The following TTC7A variants were observed in gnomAD, a reference collection of about 807,000 sequenced individuals.
The protein encoded by TTC7A is tetratricopeptide repeat protein 7A.
A neutral mutation model predicts 103.7 loss-of-function variants in TTC7A; 110 were observed. That is an observed-to-expected ratio of 1.06 (90% CI 0.91 to 1.24). TTC7A has a LOEUF of 1.24. Among genes scored for constraint, TTC7A ranks in the 50% most tolerant of loss-of-function variants. TTC7A has a pLI of 0.00. For synonymous variants in TTC7A, 521 were observed against 467.9 expected (o/e 1.11, Z -1.47); for missense variants, 1,340 against 1,116.3 (o/e 1.20, Z -2.86).
chr2:46,924,749 C>A (rs766215818), intron 2 of TTC7A, among the ~76,000 whole-genome samples: 1 of 152,178 alleles, frequency 6.6e-6, no homozygotes, highest in Non-Finnish European at 1.5e-5. Flanking sequence ...GCCTCAGGCC[C>A]TGGAATAGCT....
At chr2:47,042,083 CAGAG>C (rs1422968503) in intron 15 of TTC7A, among the ~76,000 whole-genome samples, 2 of 151,982 alleles carry the variant, frequency 1.3e-5, no homozygotes, top group East Asian at 3.9e-4. Flanking sequence ...AGGAGGGTGA[CAGAG>C]AGGAGATGAT....
chr2:46,935,219 G>A (rs937196308), intron 2 of TTC7A, among the ~76,000 whole-genome samples: 3 of 152,120 alleles, frequency 2.0e-5, no homozygotes, highest in African/African-American at 7.2e-5. Context: ...TCAGGCGTGT[G>A]TGGAGGAACA....
intron 11 of TTC7A, 104 bp downstream of exon 11, chr2:47,011,539 G>A (rs1158651181): frequency 3.8e-5 from 33 of 873,052 alleles, no homozygotes; most frequent in Non-Finnish European, 8.7e-6. Flanking sequence ...TGCCGAAGGT[G>A]GAAAGGATGG....
At chr2:46,958,365 C>G (rs1000001774) in intron 3 of TTC7A, 1 of 625,694 alleles carries the variant, frequency 1.6e-6, no homozygotes, top group African/African-American at 1.9e-5. Context: ...TCTTTCGGGT[C>G]TCTTAGAAAC....
chr2:47,024,469 G>GT (rs1249326847), intron 14 of TTC7A, 110 bp downstream of exon 14: 12 of 972,398 alleles, frequency 1.2e-5, no homozygotes, highest in Non-Finnish European at 1.8e-5. Context: ...GCCTCCCTGA[G>GT]TTTGTTTCCT....
chr2:46,946,959 G>A (rs1040086681), intron 1 of TTC7A, among the ~76,000 whole-genome samples: 17 of 152,072 alleles, frequency 1.1e-4, no homozygotes, highest in African/African-American at 3.9e-4. Flanking sequence ...ATTGAGTTGG[G>A]GGCTGAAAGG....
intron 2 of TTC7A, among the ~76,000 whole-genome samples, chr2:46,930,417 G>T (rs1572648926): frequency 7.4e-6 from 1 of 135,892 alleles, no homozygotes. Flanking sequence ...TAAAAAGCTA[G>T]ATGAAACGTA....
chr2:47,029,782 A>ATGAGC (rs1317498427), intron 15 of TTC7A, among the ~76,000 whole-genome samples: 3 of 152,168 alleles, frequency 2.0e-5, no homozygotes, highest in African/African-American at 7.2e-5. Flanking sequence ...GGATTCTAAC[A>ATGAGC]TGAGCTGGGC....
At chr2:46,955,206 C>G (rs771796383) in intron 2 of TTC7A, among the ~76,000 whole-genome samples, 4 of 151,126 alleles carry the variant, frequency 2.6e-5, no homozygotes, top group Non-Finnish European at 5.9e-5. Context: ...CCCTCACCCA[C>G]GAGGAAGACG....
chr2:46,956,827 T>A lies in TTC7A; in HGVS notation c.349-12T>A. ...TGGGGCAGGCGCTGGTAACATGTCCTTGTCATTTCAGCCACAGTACATGTG... is the reference window on the plus strand; with the variant it reads ...TGGGGCAGGCGCTGGTAACATGTCCATGTCATTTCAGCCACAGTACATGTG... On this transcript the variant is annotated splice_polypyrimidine_tract_variant and intron_variant, in intron 2 of 19. Transcript: ENST00000319190. The A allele has an allele frequency of 6.2e-7, 1 of 1,613,972 alleles. No homozygotes were observed.
At chr2:47,018,182 C>G (rs1025732449) in intron 11 of TTC7A, among the ~76,000 whole-genome samples, 3 of 150,976 alleles carry the variant, frequency 2.0e-5, no homozygotes, top group Non-Finnish European at 4.4e-5. Context: ...GAGGCTGAGA[C>G]ACAAGAATCA....
intron 3 of TTC7A, among the ~76,000 whole-genome samples, chr2:46,963,165 C>T (rs1672539652): frequency 6.6e-6 from 1 of 152,218 alleles, no homozygotes; most frequent in Non-Finnish European, 1.5e-5. Context: ...GCCTTGTCTC[C>T]TAATAGAATC....
intron 19 of TTC7A, among the ~76,000 whole-genome samples, chr2:47,066,351 C>T (rs1343006021): frequency 1.3e-5 from 2 of 152,106 alleles, no homozygotes; most frequent in Non-Finnish European, 2.9e-5. Flanking sequence ...ATCTTAAATC[C>T]CCAGAAGCTC....
intron 11 of TTC7A, among the ~76,000 whole-genome samples, chr2:47,018,616 T>G (rs1319599055): frequency 1.3e-5 from 2 of 150,706 alleles, no homozygotes; most frequent in Non-Finnish European, 3.0e-5. Context: ...TATTATTATA[T>G]CAAAGCTTAT....
chr2:47,021,719 G>A (rs1174149795), intron 11 of TTC7A, 143 bp from the exon 12 acceptor site: 3 of 710,864 alleles, frequency 4.2e-6, no homozygotes, highest in East Asian at 2.5e-5. Flanking sequence ...GATCTCTGGG[G>A]CAAGGGAAGC....
At chr2:46,959,324 G>T (rs1672175310) in intron 3 of TTC7A, among the ~76,000 whole-genome samples, 1 of 152,194 alleles carries the variant, frequency 6.6e-6, no homozygotes, top group South Asian at 2.1e-4. Context: ...GAGCCTGACT[G>T]ACCCACACTC....
intron 8 of TTC7A, among the ~76,000 whole-genome samples, chr2:47,003,830 C>T (rs1221702549): frequency 6.6e-6 from 1 of 152,228 alleles, no homozygotes. Context: ...TGGAGGCCGC[C>T]CCTGTGGGTC....
rs778746812 is a variant in TTC7A at position 47,006,739 on chromosome 2, G to T, written c.1287+15G>T. On this transcript the variant is annotated intron_variant, in intron 10 of 19. Coordinates refer to ENST00000319190, the MANE Select transcript of TTC7A (RefSeq NM_020458.4). ...CTTGTGGGAAGGTAAGGCCCAGGGGGCGCTAGGGGTTGCACACTCACCCGC... is the reference window on the plus strand; with the variant it reads ...CTTGTGGGAAGGTAAGGCCCAGGGGTCGCTAGGGGTTGCACACTCACCCGC... 6.2e-7 allele frequency: 1 copy of T among 1,603,826 alleles called. No individual in the cohort carries two copies.
intron 3 of TTC7A, among the ~76,000 whole-genome samples, chr2:46,959,861 T>C (rs1004977076): frequency 6.6e-6 from 1 of 152,182 alleles, no homozygotes; most frequent in South Asian, 2.1e-4. Context: ...ACATGCGTAT[T>C]TGTGTATATA....
Sources: allele counts gnomAD v4.1 joint callset (sites outside exome capture counted in the v4.1 genomes callset), GRCh38; gene constraint gnomAD v4.1.1; transcripts MANE v1.5; gene names NCBI Gene and HGNC (gene_info 2026-07-23, HGNC 2026-07-21).